Variants in TTC6 observed in about 807,000 individuals in gnomAD.
TTC6 encodes tetratricopeptide repeat domain 6, also known as tetratricopeptide repeat protein 6.
Under a neutral mutation model 210.4 loss-of-function variants are expected in TTC6, and 172 were observed. That is an observed-to-expected ratio of 0.82 (90% confidence interval 0.72 to 0.93). TTC6 has a LOEUF of 0.93. TTC6 is among the 40% of genes least tolerant of loss of function. TTC6 has a pLI of 0.00. For missense variants in TTC6, 2,414 were observed against 2,318.1 expected (o/e 1.04, Z -0.85); for synonymous variants, 804 against 819.6 (o/e 0.98, Z 0.32).
intron 14 of TTC6, among the ~76,000 whole-genome samples, chr14:37,757,066 G>T (rs1010515853): frequency 6.6e-6 from 1 of 152,150 alleles, no homozygotes; most frequent in Admixed American, 6.5e-5. Flanking sequence ...TTTCTTCCTG[G>T]TTTAGTCTTG....
intron 1 of TTC6, among the ~76,000 whole-genome samples, chr14:37,661,088 C>T (rs765079546): frequency 6.6e-6 from 1 of 151,598 alleles, no homozygotes; most frequent in Non-Finnish European, 1.5e-5. Context: ...GGATATTAAA[C>T]CTTTGTTGGA....
chr14:37,624,692 G>A (rs1271387712), intron 1 of TTC6, among the ~76,000 whole-genome samples: 1 of 151,648 alleles, frequency 6.6e-6, no homozygotes, highest in Non-Finnish European at 1.5e-5. Flanking sequence ...TGTGGTCTCC[G>A]CTCACTGCCA....
intron 1 of TTC6, among the ~76,000 whole-genome samples, chr14:37,655,508 T>A (rs894401278): frequency 6.6e-6 from 1 of 152,170 alleles, no homozygotes; most frequent in African/African-American, 2.4e-5. Context: ...TCCCAGAACT[T>A]CCTTTGTGTT....
chr14:37,694,696 A>G, intron 3 of TTC6, among the ~76,000 whole-genome samples: 1 of 152,146 alleles, frequency 6.6e-6, no homozygotes, highest in East Asian at 1.9e-4. Context: ...TCAACAGAAG[A>G]ATGGATAAAG....
chr14:37,771,516 T>A (rs1306250163), intron 14 of TTC6, among the ~76,000 whole-genome samples: 1 of 152,188 alleles, frequency 6.6e-6, no homozygotes, highest in East Asian at 1.9e-4. Flanking sequence ...TTATGCTTTT[T>A]TTCTCTAAGC....
intron 14 of TTC6, among the ~76,000 whole-genome samples, chr14:37,774,039 T>G (rs1279707591): frequency 6.6e-6 from 1 of 152,174 alleles, no homozygotes; most frequent in Non-Finnish European, 1.5e-5. Flanking sequence ...TGGGATTGCA[T>G]TCTTGATTTG....
chr14:37,652,917 G>A (rs1432383769), intron 1 of TTC6, among the ~76,000 whole-genome samples: 1 of 152,304 alleles, frequency 6.6e-6, no homozygotes, highest in East Asian at 1.9e-4. Flanking sequence ...CCTTTGTCAA[G>A]TAGCTGCTTT....
chr14:37,703,437 T>C (rs1279140447), intron 5 of TTC6, among the ~76,000 whole-genome samples: 1 of 152,132 alleles, frequency 6.6e-6, no homozygotes, highest in Non-Finnish European at 1.5e-5. Flanking sequence ...TAAACATAGC[T>C]TAACCTTTTC....
In TTC6 at chr14:37,795,284, A is replaced by G. The variant is rs1229791838; in HGVS notation, c.3723A>G (p.Lys1241=). The G allele has an allele frequency of 3.9e-6, 6 of 1,531,866 alleles. No individual in the cohort carries two copies. The Admixed American group carries it at 5.9e-5, about 15-fold the overall frequency. The allele number at this position is 1,531,866 out of a possible 1,614,324, so 94.9% of individuals were successfully genotyped here. Reference sequence around the variant, plus strand: ...TCACTCAACAGTTGCATAAATTGAAAAAGGCAGTAAATGAATTGTCTCGTG... The same window carrying G: ...TCACTCAACAGTTGCATAAATTGAAGAAGGCAGTAAATGAATTGTCTCGTG... Residue 1241 remains lysine (K), a synonymous_variant, in exon 18 of 31, where the codon AAA becomes AAG. Coordinates refer to ENST00000553443, the Ensembl canonical transcript of TTC6.
chr14:37,766,998 G>C (rs1054687465), intron 14 of TTC6, among the ~76,000 whole-genome samples: 4 of 151,896 alleles, frequency 2.6e-5, no homozygotes, highest in African/African-American at 9.7e-5. Context: ...CCCTTCCTGT[G>C]TCCATGTGAT....
chr14:37,778,472 G>C (rs1262734669), intron 14 of TTC6, among the ~76,000 whole-genome samples: 2 of 152,136 alleles, frequency 1.3e-5, no homozygotes, highest in Non-Finnish European at 2.9e-5. Context: ...GGCAGAGTAT[G>C]CTCATGCCAG....
intron 14 of TTC6, among the ~76,000 whole-genome samples, chr14:37,785,941 C>A (rs929990927): frequency 4.6e-5 from 7 of 152,248 alleles, no homozygotes; most frequent in African/African-American, 1.7e-4. Flanking sequence ...CAGAACCACA[C>A]ATGTTGCAGA....
At chr14:37,739,959 C>T (rs146137991) in intron 10 of TTC6, among the ~76,000 whole-genome samples, 75 of 151,980 alleles carry the variant, frequency 4.9e-4, no homozygotes, top group African/African-American at 1.6e-3. Context: ...GTCAGGAGAT[C>T]GAGACCATCG....
In TTC6 at chr14:37,753,250, A is replaced by C; in HGVS notation, c.3266+15A>C. ...TCTCAAGCAAGGTAAGAATGATTTT[A>C]GATGTCGTTTTAAAATTATTACTAT... On this transcript the variant is annotated intron_variant, in intron 14 of 30. Coordinates refer to ENST00000553443, the Ensembl canonical transcript of TTC6. The C allele has an allele frequency of 6.6e-7, 1 of 1,510,376 alleles. No individual in the cohort carries two copies. The highest frequency in any genetic ancestry group is 8.8e-7 in the Non-Finnish European group (1 of 1,132,770). 93.6% of individuals were successfully genotyped at this position (1,510,376 alleles called of 1,614,324 possible).
At chr14:37,739,827 T>G (rs1408333994) in intron 10 of TTC6, among the ~76,000 whole-genome samples, 6 of 152,080 alleles carry the variant, frequency 3.9e-5, no homozygotes, top group Non-Finnish European at 8.8e-5. Flanking sequence ...AATAGATATT[T>G]AAGTATTTTT....
chr14:37,674,798 T>A (rs1030832727), intron 1 of TTC6, among the ~76,000 whole-genome samples: 1 of 152,188 alleles, frequency 6.6e-6, no homozygotes, highest in African/African-American at 2.4e-5. Context: ...TTTGTGTTTC[T>A]TTGCTATTAA....
chr14:37,814,462 G>T (rs1272530443), intron 25 of TTC6, among the ~76,000 whole-genome samples: 1 of 152,034 alleles, frequency 6.6e-6, no homozygotes, highest in East Asian at 1.9e-4. Context: ...AGTCTAGGAA[G>T]GGGAAGCAGA....
At chr14:37,732,173 CTTTTTTTT>C (rs61444309) in intron 7 of TTC6, among the ~76,000 whole-genome samples, 1 of 57,588 alleles carries the variant, frequency 1.7e-5, no homozygotes, top group Non-Finnish European at 3.0e-5. Flanking sequence ...GTACTGTATT[CTTTTTTTT>C]TTTTTTTTTT....
intron 5 of TTC6, among the ~76,000 whole-genome samples, chr14:37,703,394 TCTCCAG>T (rs2095829263): frequency 1.3e-5 from 2 of 152,134 alleles, no homozygotes; most frequent in East Asian, 3.9e-4. Context: ...AATATTTAAT[TCTCCAG>T]CATCTATCTC....
Sources: gnomAD v4.1 joint callset for allele counts (sites outside exome capture counted in the v4.1 genomes callset) on GRCh38, gnomAD v4.1.1 for gene constraint, MANE v1.5 for transcripts, NCBI Gene and HGNC (gene_info 2026-07-23, HGNC 2026-07-21) for gene names.